The following SCN11A variants were observed in gnomAD, a reference collection of about 807,000 sequenced individuals.
SCN11A encodes the protein sodium voltage-gated channel alpha subunit 11.
Under a neutral mutation model 162.2 loss-of-function variants are expected in SCN11A, and 122 were observed. The observed-to-expected ratio is 0.75, with a 90% CI of 0.65 to 0.87. The LOEUF (loss-of-function observed/expected upper bound fraction) is 0.87. Ranked by LOEUF, SCN11A falls within the 40% of genes least tolerant of loss-of-function variation. The pLI, the probability that SCN11A is intolerant of heterozygous loss-of-function variation, is 0.00. For missense variants in SCN11A, 2,015 were observed against 2,181.6 expected (o/e 0.92, Z 1.52); for synonymous variants, 758 against 751.5 (o/e 1.01, Z -0.14).
chr3:38,941,599 T>C (rs911271672), intron 7 of SCN11A, among the ~76,000 whole-genome samples: 1 of 152,220 alleles, frequency 6.6e-6, no homozygotes, highest in Admixed American at 6.5e-5. Flanking sequence ...CCTGTTTCAC[T>C]TGAAGGAATT....
intron 16 of SCN11A, 97 bp downstream of exon 16, chr3:38,903,768 A>T: frequency 2.2e-6 from 2 of 897,406 alleles, no homozygotes; most frequent in South Asian, 1.9e-5. Context: ...CCAAAAACCT[A>T]GGTTAGGTTA....
chr3:38,850,859 G>A (rs2064767303), intron 28 of SCN11A, 108 bp from the exon 29 acceptor site: 1 of 918,760 alleles, frequency 1.1e-6, no homozygotes, highest in Non-Finnish European at 1.6e-6. Context: ...AATTAAAGCA[G>A]TTCCTTGAAA....
chr3:38,911,739 A>G (rs956513971), intron 11 of SCN11A, among the ~76,000 whole-genome samples: 1 of 151,936 alleles, frequency 6.6e-6, no homozygotes, highest in Admixed American at 6.6e-5. Flanking sequence ...TCTAATGTTG[A>G]TTTTTGTGTA....
chr3:38,877,207 GTA>G (rs1313585592), intron 23 of SCN11A, among the ~76,000 whole-genome samples: 3 of 41,618 alleles, frequency 7.2e-5, no homozygotes, highest in Admixed American at 6.0e-4. Context: ...TATATATATG[GTA>G]TATATATGGT....
At chr3:38,975,401 G>A (rs1328765159) in intron 2 of SCN11A, among the ~76,000 whole-genome samples, 1 of 152,136 alleles carries the variant, frequency 6.6e-6, no homozygotes, top group Non-Finnish European at 1.5e-5. Flanking sequence ...TGTCTAATTC[G>A]AGGGGTGAGA....
intron 19 of SCN11A, among the ~76,000 whole-genome samples, chr3:38,888,042 G>C (rs557719392): frequency 5.6e-4 from 86 of 152,338 alleles, no homozygotes; most frequent in African/African-American, 2.0e-3. Flanking sequence ...GCAGGTAATG[G>C]TGTCTAAAAG....
intron 2 of SCN11A, among the ~76,000 whole-genome samples, chr3:38,970,710 G>C (rs948449598): frequency 5.1e-4 from 77 of 152,102 alleles, no homozygotes; most frequent in Admixed American, 9.2e-4. Flanking sequence ...TAGCCTCTAG[G>C]CTCCTTGGAC....
At chr3:38,924,935 A>G (rs2125552122) in intron 9 of SCN11A, among the ~76,000 whole-genome samples, 1 of 151,844 alleles carries the variant, frequency 6.6e-6, no homozygotes, top group African/African-American at 2.4e-5. Context: ...ACTCTTTCCC[A>G]TATATCTGCT....
rs2064656120 is a variant in SCN11A, at chr3:38,846,072, T to G, written c.*622A>C. 6.6e-6 allele frequency: 1 copy of G among 152,242 alleles called. No homozygotes were observed. 9.4% of individuals were successfully genotyped at this position (152,242 alleles called of 1,614,324 possible). A position where few individuals can be genotyped will look rare whatever the true frequency, so the allele number is the denominator to read the frequency against. ...CAACTTAAAATTTTAATGTGTTTTT[T>G]GTTTCTTATTCTTTTTTGTTTAGAT... On this transcript the variant is annotated 3_prime_UTR_variant, in exon 30 of 30. Coordinates refer to ENST00000302328, the MANE Select transcript of SCN11A (RefSeq NM_001349253.2).
chr3:39,047,986 C>G (rs1407798680), intron 1 of SCN11A, among the ~76,000 whole-genome samples: 2 of 151,856 alleles, frequency 1.3e-5, no homozygotes, highest in East Asian at 1.9e-4. Flanking sequence ...AGAACTAAAA[C>G]TACAACTACC....
chr3:38,955,034 GCTTACACCCA>G (rs1288696375), intron 3 of SCN11A, among the ~76,000 whole-genome samples: 2 of 151,642 alleles, frequency 1.3e-5, no homozygotes, highest in Non-Finnish European at 2.9e-5. Flanking sequence ...AGGTGCAGTG[GCTTACACCCA>G]CTGGGAGGCC....
intron 2 of SCN11A, among the ~76,000 whole-genome samples, chr3:39,032,104 G>C (rs967512967): frequency 6.6e-6 from 1 of 152,150 alleles, no homozygotes; most frequent in East Asian, 1.9e-4. Context: ...TTCTAGAACT[G>C]ATGTGTTTAA....
At chr3:38,967,938 T>C (rs1575341040) in intron 2 of SCN11A, among the ~76,000 whole-genome samples, 1 of 152,238 alleles carries the variant, frequency 6.6e-6, no homozygotes, top group East Asian at 1.9e-4. Flanking sequence ...TTCACTCTGC[T>C]TCCAATTCTA....
rs1422125194 is a variant in SCN11A, at chr3:38,955,806, G to C, written c.-138-2047C>G. Among the ~76,000 whole-genome samples the C allele has an allele frequency of 2.0e-5, 3 of 152,210 alleles. No individual in the cohort carries two copies. The East Asian group carries it at 5.8e-4, about 29-fold the overall frequency. On this transcript the variant is annotated intron_variant, in intron 3 of 29. Transcript: ENST00000302328. ...TCCCAAACAATGAAAAGAGAATTCAGAAAAGCAGGATGCATGGAATCCAAG... is the reference window on the plus strand; with the variant it reads ...TCCCAAACAATGAAAAGAGAATTCACAAAAGCAGGATGCATGGAATCCAAG...
intron 2 of SCN11A, among the ~76,000 whole-genome samples, chr3:38,978,464 G>A (rs546567627): frequency 2.0e-5 from 3 of 152,162 alleles, no homozygotes; most frequent in Non-Finnish European, 4.4e-5. Flanking sequence ...TGGCCAACAT[G>A]GTGAAACCTC....
chr3:38,928,864 G>C (rs2066187024), intron 7 of SCN11A, among the ~76,000 whole-genome samples: 1 of 152,132 alleles, frequency 6.6e-6, no homozygotes, highest in South Asian at 2.1e-4. Context: ...AATCCCTATG[G>C]AAAACAGTAT....
intron 14 of SCN11A, 115 bp from the exon 15 acceptor site, chr3:38,905,436 G>C (rs2065778271): frequency 8.4e-7 from 1 of 1,193,944 alleles, no homozygotes; most frequent in South Asian, 1.6e-5. Context: ...ATTTTCTATA[G>C]GTCTACTCAC....
Position 38,846,219 on chromosome 3 carries a change from T to G in SCN11A, c.*475A>C, listed in dbSNP as rs888390678. 6.3e-6 allele frequency: 1 copy of G among 158,366 alleles called. No homozygotes were observed. The highest frequency in any genetic ancestry group is 2.4e-5 in the African/African-American group (1 of 41,522). The allele number at this position is 158,366 out of a possible 1,614,324, so 9.8% of individuals were successfully genotyped here. On this transcript the variant is annotated 3_prime_UTR_variant, in exon 30 of 30. Coordinates refer to ENST00000302328, the MANE Select transcript of SCN11A (RefSeq NM_001349253.2). ...ACCTCCGTCTCCCAGGTTTAAGCGA[T>G]TCTCCTGCCTCAGCCTCCCAAGTAG...
At position 38,871,708 on chromosome 3, in the gene SCN11A, C is replaced by T. The variant is rs1422632529; in HGVS notation, c.3496G>A (p.Val1166Met). 1.9e-6 allele frequency: 3 copies of T among 1,581,440 alleles called. No individual in the cohort carries two copies. Among genetic ancestry groups the T allele is most frequent in the South Asian group, 1.2e-5 (1 of 84,516 alleles). The change falls in exon 25 of 30, where the codon GTG becomes ATG. Residue 1166 changes from valine to methionine, a missense_variant and splice_region_variant. Transcript: ENST00000302328. ...GCACCTATGAGAGCATTGACCACCA[C>T]CTTATGGAAACAAAAGCAAAGAAAA... ...RALSQFEGMKVVVNALIGAIP... is the reference protein window; with the variant it reads ...RALSQFEGMKMVVNALIGAIP...
Sources: gnomAD v4.1 joint callset for allele counts (sites outside exome capture counted in the v4.1 genomes callset) on GRCh38, gnomAD v4.1.1 for gene constraint, MANE v1.5 for transcripts, NCBI Gene and HGNC (gene_info 2026-07-23, HGNC 2026-07-21) for gene names.